The following CYB5R2 variants were observed in gnomAD, a reference collection of about 807,000 sequenced individuals.
The protein encoded by CYB5R2 is NADH-cytochrome b5 reductase 2.
CYB5R2 carries 35 observed loss-of-function variants against 29.8 expected under a neutral mutation model. That is an observed-to-expected ratio of 1.17 (90% CI 0.90 to 1.56). CYB5R2 has a LOEUF of 1.56. Among genes scored for constraint, CYB5R2 ranks in the 40% most tolerant of loss-of-function variants. The pLI is 0.00. For synonymous variants in CYB5R2, 169 were observed against 130.6 expected (o/e 1.29, Z -2.01); for missense variants, 419 against 346.7 (o/e 1.21, Z -1.66).
chr11:7,673,770 C>T (rs922862254), upstream of CYB5R2: 1 of 928,600 alleles, frequency 1.1e-6, no homozygotes, highest in African/African-American at 2.0e-5. Flanking sequence ...GGGGGCCGCT[C>T]CCCGCCGCGG....
chr11:7,673,334 T>TC, intron 1 of CYB5R2, 85 bp downstream of exon 1: 1 of 1,022,238 alleles, frequency 9.8e-7, no homozygotes, highest in Non-Finnish European at 1.2e-6. Flanking sequence ...GCCTGGGGAC[T>TC]CCCCAACAGT....
chr11:7,669,559 C>T (rs1855592915), intron 4 of CYB5R2, 66 bp downstream of exon 4: 1 of 1,365,040 alleles, frequency 7.3e-7, no homozygotes, highest in Non-Finnish European at 1.0e-6. Context: ...AGCACTGCCC[C>T]TCCACCCCAC....
chr11:7,672,568 C>T, intron 2 of CYB5R2, 45 bp from the exon 3 acceptor site: 1 of 1,595,010 alleles, frequency 6.3e-7, no homozygotes, highest in Non-Finnish European at 8.6e-7. Context: ...TTTCTAGAAG[C>T]CTTGCTGGGC....
intron 6 of CYB5R2, among the ~76,000 whole-genome samples, chr11:7,668,142 ACTGCTCTCTTTCTTCAGGCAGTCATTTT>A (rs1855454869): frequency 6.6e-5 from 10 of 152,202 alleles, no homozygotes; most frequent in African/African-American, 2.4e-4. Flanking sequence ...TCCTTCAAAG[ACTGCTCTCTTTCTTCAGGCAGTCATTTT>A]CAAGGGATGG....
At position 7,665,483 on chromosome 11, in the gene CYB5R2, G is replaced by A. The variant is rs779602178; in HGVS notation, c.722C>T (p.Ala241Val). ...DMIKEHLPPP[A>V]KSTLILVCGP... The stretch of plus-strand genomic sequence containing the variant: ...ACACACCAGGATGAGCGTGGACTTC[G>A]CTGGAGGAGGAAGGTGCTCCTTGAT... The change falls in exon 9 of 9, where the codon GCG becomes GTG. Residue 241 changes from alanine to valine, a missense_variant. By Grantham distance (64) the Ala-to-Val change is moderately conservative (BLOSUM62 0). Transcript: ENST00000299498. 33 of 1,613,824 alleles carry A rather than the reference G, an allele frequency of 2.0e-5. No individual in the cohort carries two copies. Among genetic ancestry groups the A allele is most frequent in the South Asian group, 1.3e-4 (12 of 91,032 alleles).
intron 2 of CYB5R2, 48 bp from the exon 3 acceptor site, chr11:7,672,571 T>C: frequency 6.3e-7 from 1 of 1,594,538 alleles, no homozygotes; most frequent in African/African-American, 1.3e-5. Context: ...CTAGAAGCCT[T>C]GCTGGGCAGC....
intron 5 of CYB5R2, chr11:7,668,853 C>A (rs540805645): frequency 6.9e-6 from 4 of 576,316 alleles, no homozygotes; most frequent in East Asian, 6.0e-5. Context: ...TTCTCACTCA[C>A]GGAGGTGAAC....
intron 7 of CYB5R2, 126 bp downstream of exon 7, chr11:7,667,602 C>T: frequency 2.3e-6 from 2 of 885,118 alleles, no homozygotes; most frequent in Admixed American, 3.6e-5. Context: ...CTGTTGATCC[C>T]ACTAAGCCCT....
chr11:7,672,700 C>T, intron 2 of CYB5R2, 48 bp downstream of exon 2: 1 of 1,610,308 alleles, frequency 6.2e-7, no homozygotes, highest in Non-Finnish European at 8.5e-7. Flanking sequence ...CCTGCCATCC[C>T]AGCCATCATC....
chr11:7,674,195 A>C (rs1213798534), upstream of CYB5R2: 1 of 1,263,224 alleles, frequency 7.9e-7, no homozygotes, highest in East Asian at 5.7e-5. Context: ...GGCAGCTGCA[A>C]AGAGCGCGCG....
rs1395222144 is a variant in CYB5R2 at position 7,665,407 on chromosome 11, C to G, written c.798G>C (p.Leu266=). 3 of 1,603,210 alleles carry G rather than the reference C, an allele frequency of 1.9e-6. No homozygotes were observed. Among genetic ancestry groups the G allele is most frequent in the African/African-American group, 2.7e-5 (2 of 74,482 alleles). The change falls in exon 9 of 9, where the codon CTG becomes CTC. Residue 266 remains leucine, a synonymous_variant. Coordinates refer to ENST00000299498, the MANE Select transcript of CYB5R2 (RefSeq NM_016229.5). ...QTAAHPNLEK[L]GYTQDMIFTY ...TGAAAATCATGTCCTGGGTATAACC[C>G]AGCTTCTCCAGGTTAGGGTGAGCCG...
In CYB5R2 at chr11:7,669,332, G is replaced by T; in HGVS notation, c.261C>A (p.Ile87=). Residue 87 remains isoleucine, a splice_region_variant and synonymous_variant, in exon 5 of 9, where the codon ATC becomes ATA. Coordinates refer to ENST00000299498, the MANE Select transcript of CYB5R2 (RefSeq NM_016229.5). The part of the protein sequence containing the change: ...DRGFVDLIIK[I]YFKNVHPQYP... The stretch of plus-strand genomic sequence containing the variant: ...ATTGGGGGTGTACATTTTTGAAGTA[G>T]ATCTGAAAAGCAAGGCAGCACTGCT... The T allele has an allele frequency of 6.2e-7, 1 of 1,609,560 alleles. No homozygotes were observed. Among genetic ancestry groups the T allele is most frequent in the Non-Finnish European group, 8.5e-7 (1 of 1,177,344 alleles).
chr11:7,667,781 T>TGTGGCGAATGAGCTGCAACATG lies in CYB5R2; in HGVS notation c.483_504dup (p.Ile169HisfsTer14). 4 of 1,614,218 alleles carry TGTGGCGAATGAGCTGCAACATG rather than the reference T, an allele frequency of 2.5e-6. No individual in the cohort carries two copies. The highest frequency in any genetic ancestry group is 3.4e-6 in the Non-Finnish European group (4 of 1,180,042). On this transcript the variant is annotated frameshift_variant, in exon 7 of 9. Coordinates refer to ENST00000299498, the MANE Select transcript of CYB5R2 (RefSeq NM_016229.5). LOFTEE classifies it high-confidence loss of function. ...GTCCTGTCACTGGGGTCCTTGGTGA[T>TGTGGCGAATGAGCTGCAACATG]GTGGCGAATGAGCTGCAACATGGGT...
rs202073796 is a variant in CYB5R2 at position 7,669,702 on chromosome 11, C to T, written c.181G>A (p.Asp61Asn). 7.4e-6 allele frequency: 12 copies of T among 1,614,056 alleles called. No individual in the cohort carries two copies. The highest frequency in any genetic ancestry group is 3.3e-5 in the South Asian group (3 of 91,064). ...TAAGCCCTGACCACCAATTCATTATCGATTTTTGCCAAGAGCTGGACATAG... is the reference window on the plus strand; with the variant it reads ...TAAGCCCTGACCACCAATTCATTATTGATTTTTGCCAAGAGCTGGACATAG... ...GNYVQLLAKIDNELVVRAYTP... is the reference protein window; with the variant it reads ...GNYVQLLAKINNELVVRAYTP... Residue 61 changes from aspartate to asparagine, a missense_variant, in exon 4 of 9, where the codon GAT (aspartate) becomes AAT (asparagine). Coordinates refer to ENST00000299498, the MANE Select transcript of CYB5R2 (RefSeq NM_016229.5).
At chr11:7,672,237 T>C (rs1328231349) in intron 3 of CYB5R2, 1 of 553,974 alleles carries the variant, frequency 1.8e-6, no homozygotes, top group Non-Finnish European at 3.2e-6. Flanking sequence ...CTCACTGAGG[T>C]ACCACTCTCG....
chr11:7,669,021 C>T, intron 5 of CYB5R2, 184 bp downstream of exon 5: 1 of 771,986 alleles, frequency 1.3e-6, no homozygotes, highest in Non-Finnish European at 2.3e-6. Context: ...CTTACAAAAG[C>T]TGACAACCTC....
intron 8 of CYB5R2, chr11:7,666,043 C>G: frequency 5.0e-6 from 4 of 807,084 alleles, no homozygotes; most frequent in Non-Finnish European, 8.1e-6. Context: ...CAGCAGCTGT[C>G]TGGGGGCTCA....
chr11:7,672,432 T>C lies in CYB5R2; in HGVS notation c.151+19A>G. 2 of 1,612,924 alleles carry C rather than the reference T, an allele frequency of 1.2e-6. No individual in the cohort carries two copies. The highest frequency in any genetic ancestry group is 2.2e-5 in the East Asian group (1 of 44,870). On this transcript the variant is annotated intron_variant, in intron 3 of 8. Coordinates refer to ENST00000299498, the MANE Select transcript of CYB5R2 (RefSeq NM_016229.5). ...CCCCCAGAGGCCCCAGTCCTGGTGATGACCCAAGCCCGGCTCACCTACAGG... is the reference window on the plus strand; with the variant it reads ...CCCCCAGAGGCCCCAGTCCTGGTGACGACCCAAGCCCGGCTCACCTACAGG...
chr11:7,668,813 G>T (rs1357067579), intron 5 of CYB5R2: 2 of 594,784 alleles, frequency 3.4e-6, no homozygotes, highest in African/African-American at 3.7e-5. Flanking sequence ...AGAGGGGCAA[G>T]CTGAAGTTAA....
Sources: gnomAD v4.1 joint callset for allele counts (sites outside exome capture counted in the v4.1 genomes callset) on GRCh38, gnomAD v4.1.1 for gene constraint, MANE v1.5 for transcripts, NCBI Gene and HGNC (gene_info 2026-07-23, HGNC 2026-07-21) for gene names.